Variants in FA2H observed in about 807,000 individuals in gnomAD.
FA2H encodes fatty acid alpha-hydroxylase.
Under a neutral mutation model 44.9 loss-of-function variants are expected in FA2H, and 22 were observed. The observed-to-expected ratio is 0.49, with a 90% CI of 0.35 to 0.70. The LOEUF is 0.70. Ranked by LOEUF, FA2H falls within the 30% of genes least tolerant of loss-of-function variation. The pLI is 0.01. For synonymous variants in FA2H, 243 were observed against 213.2 expected (o/e 1.14, Z -1.22); for missense variants, 501 against 504.9 (o/e 0.99, Z 0.07).
chr16:74,753,412 C>T (rs1231072543), intron 1 of FA2H, among the ~76,000 whole-genome samples: 3 of 152,150 alleles, frequency 2.0e-5, no homozygotes, highest in South Asian at 2.1e-4. Context: ...AACAGCAGGG[C>T]GAGGTGGCTC....
intron 2 of FA2H, among the ~76,000 whole-genome samples, chr16:74,730,751 G>A (rs1962056264): frequency 6.6e-6 from 1 of 152,218 alleles, no homozygotes; most frequent in Non-Finnish European, 1.5e-5. Context: ...TCCCCATGGA[G>A]CCCTGGTTAT....
At position 74,755,692 on chromosome 16, in the gene FA2H, T is replaced by TC. The variant is rs1269435557; in HGVS notation, c.271-15578dup. Among the ~76,000 whole-genome samples the TC allele has an allele frequency of 5.9e-5, 9 of 152,206 alleles. No homozygotes were observed. The South Asian group carries it at 1.9e-3, about 31-fold the overall frequency. On this transcript the variant is annotated intron_variant, in intron 1 of 6. Transcript: ENST00000219368. ...GAGAATCTCACCAGGAGCACCTGCA[T>TC]CCCCTCTAACCTGGATTTCACCATT...
Position 74,719,086 on chromosome 16 carries a change from C to T in FA2H, c.688G>A (p.Glu230Lys), listed in dbSNP as rs1251854904. 2.5e-6 allele frequency: 4 copies of T among 1,613,962 alleles called. No individual in the cohort carries two copies. The highest frequency in any genetic ancestry group is 2.5e-6 in the Non-Finnish European group (3 of 1,180,020). ...AACAGGAAGCGGTGGATGAGGTACTCGATGAGGCTCCAGAGGAATGTCCCC... is the reference window on the plus strand; with the variant it reads ...AACAGGAAGCGGTGGATGAGGTACTTGATGAGGCTCCAGAGGAATGTCCCC... ...MLGTFLWSLI[E>K]YLIHRFLFHM... Residue 230 changes from glutamate (E) to lysine (K), a missense_variant, in exon 5 of 7, where the codon GAG becomes AAG. Transcript: ENST00000219368.
intron 1 of FA2H, among the ~76,000 whole-genome samples, chr16:74,748,189 G>A (rs1355497786): frequency 1.3e-5 from 2 of 152,210 alleles, no homozygotes; most frequent in Admixed American, 1.3e-4. Context: ...CCTTCTTTAG[G>A]GCCTGAGAGG....
At position 74,750,299 on chromosome 16, in the gene FA2H, G is replaced by A. The variant is rs554798363; in HGVS notation, c.271-10184C>T. ...TAATAAAACAAATTTCAGATCTATT[G>A]CACAACACTCCAATCTAAGAATTAT... On this transcript the variant is annotated intron_variant, in intron 1 of 6. Coordinates refer to ENST00000219368, the MANE Select transcript of FA2H (RefSeq NM_024306.5). Among the ~76,000 whole-genome samples the A allele has an allele frequency of 2.0e-5, 3 of 152,160 alleles. No homozygotes were observed. The South Asian group carries it at 6.2e-4, about 32-fold the overall frequency.
chr16:74,733,113 G>A (rs897747006), intron 2 of FA2H, among the ~76,000 whole-genome samples: 25 of 152,318 alleles, frequency 1.6e-4, no homozygotes, highest in African/African-American at 5.1e-4. Flanking sequence ...TCTAGCCTAC[G>A]CTGTGTCTCC....
rs1961706796 is a variant in FA2H, at chr16:74,716,576, C to T, written c.810G>A (p.Leu270=). 6.3e-7 allele frequency: 1 copy of T among 1,584,796 alleles called. No individual in the cohort carries two copies. ...GGGAGGCTGGCACAGGGGGGAAGACCAGGCGGGAGCCGTCGAAGGGTGCCT... is the reference window on the plus strand; with the variant it reads ...GGGAGGCTGGCACAGGGGGGAAGACTAGGCGGGAGCCGTCGAAGGGTGCCT... The part of the protein sequence containing the change: ...HHKAPFDGSR[L]VFPPVPASLV... Residue 270 remains leucine, a synonymous_variant, in exon 6 of 7, where the codon CTG becomes CTA. Transcript: ENST00000219368.
At chr16:74,733,370 A>ATT (rs1174699780) in intron 2 of FA2H, among the ~76,000 whole-genome samples, 1 of 152,020 alleles carries the variant, frequency 6.6e-6, no homozygotes, top group African/African-American at 2.4e-5. Flanking sequence ...TTTATAGATG[A>ATT]GGATATTGAG....
intron 1 of FA2H, among the ~76,000 whole-genome samples, chr16:74,771,788 C>A (rs547138470): frequency 6.6e-6 from 1 of 152,202 alleles, no homozygotes; most frequent in African/African-American, 2.4e-5. Flanking sequence ...CCCCCTTCCC[C>A]CCATGGTCAC....
chr16:74,761,434 C>G (rs1280966950), intron 1 of FA2H, among the ~76,000 whole-genome samples: 3 of 148,296 alleles, frequency 2.0e-5, no homozygotes, highest in Non-Finnish European at 3.0e-5. Flanking sequence ...GCCTAGGCAA[C>G]AGAGCAAGAC....
chr16:74,729,280 A>G (rs1289923435), intron 2 of FA2H, among the ~76,000 whole-genome samples: 2 of 152,102 alleles, frequency 1.3e-5, no homozygotes, highest in Non-Finnish European at 2.9e-5. Flanking sequence ...AAGTGCTGGG[A>G]TTATGGGCGT....
At chr16:74,717,541 G>A (rs1473105807) in intron 5 of FA2H, among the ~76,000 whole-genome samples, 4 of 152,232 alleles carry the variant, frequency 2.6e-5, no homozygotes, top group East Asian at 1.9e-4. Flanking sequence ...CTGAGGTGGC[G>A]TCACTGGAAC....
chr16:74,724,663 C>T (rs370917198), intron 4 of FA2H, among the ~76,000 whole-genome samples: 1 of 152,198 alleles, frequency 6.6e-6, no homozygotes. Flanking sequence ...GAGACGTTAT[C>T]TCTCATGCCC....
chr16:74,763,386 T>C (rs1597571083), intron 1 of FA2H, among the ~76,000 whole-genome samples: 1 of 151,876 alleles, frequency 6.6e-6, no homozygotes, highest in African/African-American at 2.4e-5. Flanking sequence ...GCCTTCCGAG[T>C]AACTGGGATT....
chr16:74,749,580 C>G (rs989158038), intron 1 of FA2H, among the ~76,000 whole-genome samples: 1 of 152,188 alleles, frequency 6.6e-6, no homozygotes, highest in African/African-American at 2.4e-5. Context: ...TGCTTCTGCT[C>G]GTGAAGTGAA....
At chr16:74,754,936 T>A (rs747395219) in intron 1 of FA2H, among the ~76,000 whole-genome samples, 2 of 151,912 alleles carry the variant, frequency 1.3e-5, no homozygotes, top group Non-Finnish European at 2.9e-5. Flanking sequence ...TGAGGAGACA[T>A]TGACATAGAG....
At position 74,753,821 on chromosome 16, in the gene FA2H, T is replaced by C. The variant is rs570105424; in HGVS notation, c.271-13706A>G. 3.3e-5 allele frequency among the ~76,000 whole-genome samples: 5 copies of C among 152,328 alleles called. No individual in the cohort carries two copies. In the South Asian group the frequency reaches 1.0e-3, roughly 32 times the overall value. ...GTGCTCCGGAGTCACAAAGGGTATT[T>C]ACAAAAAATACAGATTTCTGAGGTC... is the stretch of plus-strand genomic sequence containing the variant. On this transcript the variant is annotated intron_variant, in intron 1 of 6. Transcript: ENST00000219368.
At chr16:74,748,953 A>G (rs1032611123) in intron 1 of FA2H, among the ~76,000 whole-genome samples, 1 of 152,088 alleles carries the variant, frequency 6.6e-6, no homozygotes, top group African/African-American at 2.4e-5. Flanking sequence ...ATGGAGGCCC[A>G]GGGGGAAGGT....
chr16:74,765,417 A>G (rs1962791587), intron 1 of FA2H, among the ~76,000 whole-genome samples: 1 of 152,162 alleles, frequency 6.6e-6, no homozygotes, highest in African/African-American at 2.4e-5. Flanking sequence ...TTGGCCTCCC[A>G]AAGTGCTGGG....
Sources: allele counts gnomAD v4.1 joint callset (sites outside exome capture counted in the v4.1 genomes callset), GRCh38; gene constraint gnomAD v4.1.1; transcripts MANE v1.5; gene names NCBI Gene and HGNC (gene_info 2026-07-23, HGNC 2026-07-21).